BCL2L1: variants seen among roughly 807,000 people sequenced by gnomAD.
BCL2L1 encodes the protein bcl-2-like protein 1.
A neutral mutation model predicts 18.7 loss-of-function variants in BCL2L1; 1 was observed. The ratio of observed to expected loss-of-function variants is 0.05; its 90% CI spans 0.02 to 0.25. The LOEUF (loss-of-function observed/expected upper bound fraction) is 0.25. Ranked by LOEUF, BCL2L1 falls within the 10% of genes least tolerant of loss-of-function variation. The pLI, the probability that BCL2L1 is intolerant of heterozygous loss-of-function variation, is 1.00. For synonymous variants in BCL2L1, 103 were observed against 122.7 expected (o/e 0.84, Z 1.06); for missense variants, 207 against 304.9 (o/e 0.68, Z 2.39).
At position 31,703,692 on chromosome 20, in the gene BCL2L1, G is replaced by GA. The variant is rs1166957103; in HGVS notation, c.564+17962_564+17963insT. 3.0e-4 allele frequency among the ~76,000 whole-genome samples: 43 copies of GA among 145,340 alleles called. 1 individual carries two copies. Among genetic ancestry groups the GA allele is most frequent in the African/African-American group, 1.1e-3 (43 of 39,078 alleles). On this transcript the variant is annotated intron_variant, in intron 2 of 2. Transcript: ENST00000307677. ...TTTTCAGTAGAGATGGGGTTTCACT[G>GA]TGTTGGCCAGGCTGGTCTGGAACTC... is the stretch of plus-strand genomic sequence containing the variant.
intron 2 of BCL2L1, among the ~76,000 whole-genome samples, chr20:31,705,137 C>T (rs761947700): frequency 7.9e-5 from 12 of 152,148 alleles, no homozygotes; most frequent in Non-Finnish European, 1.0e-4. Flanking sequence ...ACCACTTACT[C>T]GCTGTGCATC....
upstream of BCL2L1, chr20:31,723,182 T>C: frequency 1.5e-6 from 1 of 680,294 alleles, no homozygotes; most frequent in Non-Finnish European, 1.8e-6. Flanking sequence ...TCTGTGATGT[T>C]GAAGGCCGGA....
chr20:31,674,876 A>G (rs532243112), intron 2 of BCL2L1, among the ~76,000 whole-genome samples: 1 of 146,898 alleles, frequency 6.8e-6, no homozygotes, highest in East Asian at 2.0e-4. Flanking sequence ...CCCCGTCTCA[A>G]AAAAAAAAAA....
upstream of BCL2L1, chr20:31,723,744 C>A (rs1459119586): frequency 1.0e-6 from 1 of 985,446 alleles, no homozygotes; most frequent in South Asian, 4.7e-5. Context: ...CCTGCGAGCC[C>A]CGCGAGCCGT....
At chr20:31,716,424 G>C (rs1267217513) in intron 2 of BCL2L1, among the ~76,000 whole-genome samples, 1 of 152,124 alleles carries the variant, frequency 6.6e-6, no homozygotes, top group African/African-American at 2.4e-5. Context: ...TGGAATGTGA[G>C]CTCCATGAGG....
chr20:31,670,510 C>T (rs1365430117), intron 2 of BCL2L1, among the ~76,000 whole-genome samples: 1 of 152,182 alleles, frequency 6.6e-6, no homozygotes, highest in Admixed American at 6.5e-5. Context: ...TTGGAGTAAA[C>T]AGGCGCTGTC....
At chr20:31,696,678 C>T (rs1269485513) in intron 2 of BCL2L1, among the ~76,000 whole-genome samples, 1 of 152,146 alleles carries the variant, frequency 6.6e-6, no homozygotes, top group African/African-American at 2.4e-5. Context: ...TTTGGGACGT[C>T]AAGGTGGGAG....
chr20:31,669,562 C>T (rs1487223301), intron 2 of BCL2L1, among the ~76,000 whole-genome samples: 2 of 151,592 alleles, frequency 1.3e-5, no homozygotes, highest in African/African-American at 4.9e-5. Context: ...AAGCCATTCT[C>T]CTGCCTCAGC....
intron 2 of BCL2L1, among the ~76,000 whole-genome samples, chr20:31,688,606 A>T (rs6058384): frequency 0.37 from 56,078 of 152,054 alleles, 12,426 homozygotes; most frequent in African/African-American, 0.61. Flanking sequence ...AGGCTAACTA[A>T]CCCTATTAAA....
At chr20:31,720,634 T>C in intron 2 of BCL2L1, 1 of 984,190 alleles carries the variant, frequency 1.0e-6, no homozygotes, top group African/African-American at 1.7e-5. Flanking sequence ...GTGCTCACAT[T>C]ATCGCCAAGA....
chr20:31,713,877 T>C (rs2061487525), intron 2 of BCL2L1, among the ~76,000 whole-genome samples: 1 of 152,224 alleles, frequency 6.6e-6, no homozygotes. Flanking sequence ...AAACTGCCTC[T>C]TCCTCCTGAT....
At chr20:31,693,496 G>A (rs115894492) in intron 2 of BCL2L1, among the ~76,000 whole-genome samples, 1,660 of 152,002 alleles carry the variant, frequency 0.011, 27 homozygotes, top group African/African-American at 0.039. Flanking sequence ...CTGTGATTGG[G>A]GAGGGGGTAC....
At chr20:31,670,328 A>G (rs916245179) in intron 2 of BCL2L1, among the ~76,000 whole-genome samples, 3 of 152,210 alleles carry the variant, frequency 2.0e-5, no homozygotes, top group Non-Finnish European at 4.4e-5. Flanking sequence ...AGAGTTCCAC[A>G]CTATGAAGAG....
At chr20:31,695,962 T>C (rs1297528831) in intron 2 of BCL2L1, among the ~76,000 whole-genome samples, 1 of 152,210 alleles carries the variant, frequency 6.6e-6, no homozygotes, top group East Asian at 1.9e-4. Flanking sequence ...ATTTATTTTT[T>C]AGAGGTGGGT....
rs1454886481 is a variant in BCL2L1 at position 31,721,860 on chromosome 20, T to A, written c.359A>T (p.Tyr120Phe). 1.2e-6 allele frequency: 2 copies of A among 1,614,178 alleles called. No homozygotes were observed. The highest frequency in any genetic ancestry group is 2.2e-5 in the South Asian group (2 of 91,084). ...ATTCACTACCTGTTCAAAGCTCTGA[T>A]ATGCTGTCCCTGGGGTGATGTGGAG... ...SQLHITPGTA[Y>F]QSFEQVVNEL... is the part of the protein sequence containing the mutation. Residue 120 changes from tyrosine (Y) to phenylalanine (F), a missense_variant, in exon 2 of 3, where the codon TAT becomes TTT. By Grantham distance (22) the Tyr-to-Phe change is conservative (BLOSUM62 3). Coordinates refer to ENST00000307677, the MANE Select transcript of BCL2L1 (RefSeq NM_138578.3).
chr20:31,708,382 GA>G (rs1468595766), intron 2 of BCL2L1, among the ~76,000 whole-genome samples: 1 of 152,226 alleles, frequency 6.6e-6, no homozygotes, highest in Non-Finnish European at 1.5e-5. Flanking sequence ...CCCCCTTGGG[GA>G]AATGCCAAGG....
Position 31,665,790 on chromosome 20 carries a change from A to C in BCL2L1, c.*159T>G. On this transcript the variant is annotated 3_prime_UTR_variant, in exon 3 of 3. Coordinates refer to ENST00000307677, the MANE Select transcript of BCL2L1 (RefSeq NM_138578.3). ...CTCACAGAAGTGTGATAAATTCTAG[A>C]AAACTAGCTGCAAGGGACCAGATCT... The C allele has an allele frequency of 1.0e-6, 1 of 952,694 alleles. No homozygotes were observed. Among genetic ancestry groups the C allele is most frequent in the Non-Finnish European group, 1.5e-6 (1 of 653,264 alleles). The allele number at this position is 952,694 out of a possible 1,614,324, so 59.0% of individuals were successfully genotyped here.
At chr20:31,702,893 C>A (rs2122713639) in intron 2 of BCL2L1, among the ~76,000 whole-genome samples, 1 of 147,646 alleles carries the variant, frequency 6.8e-6, no homozygotes, top group Admixed American at 6.7e-5. Flanking sequence ...TTGCAGTGAG[C>A]CGAAATGACA....
intron 2 of BCL2L1, among the ~76,000 whole-genome samples, chr20:31,678,628 C>T (rs1482917351): frequency 2.6e-5 from 4 of 152,130 alleles, no homozygotes; most frequent in Non-Finnish European, 4.4e-5. Context: ...CCTCAAAGCC[C>T]GCTGGGCATT....
Sources: allele counts gnomAD v4.1 joint callset (sites outside exome capture counted in the v4.1 genomes callset), GRCh38; gene constraint gnomAD v4.1.1; transcripts MANE v1.5; gene names NCBI Gene and HGNC (gene_info 2026-07-23, HGNC 2026-07-21).